NELL1: variants seen among roughly 807,000 people sequenced by gnomAD.
NELL1 encodes neural EGFL like 1.
NELL1 carries 76 observed loss-of-function variants against 107.4 expected under a neutral mutation model. That is an observed-to-expected ratio of 0.71 (90% confidence interval 0.59 to 0.86). NELL1 has a LOEUF of 0.86. Ranked by LOEUF, NELL1 falls within the 40% of genes least tolerant of loss-of-function variation. The probability of loss-of-function intolerance (pLI) is 0.00; values close to 1 mark genes in which losing one functional copy is unlikely to be tolerated. For synonymous variants in NELL1, 353 were observed against 341.2 expected (o/e 1.03, Z -0.38); for missense variants, 1,024 against 1,005.5 (o/e 1.02, Z -0.25).
At chr11:20,915,063 T>C (rs1216244980) in intron 5 of NELL1, among the ~76,000 whole-genome samples, 1 of 152,110 alleles carries the variant, frequency 6.6e-6, no homozygotes, top group Admixed American at 6.6e-5. Flanking sequence ...GTGTTTACTA[T>C]GTGAAATCTA....
rs561262445 is a variant in NELL1 at position 21,397,485 on chromosome 11, T to C, written c.1645+26537T>C. On this transcript the variant is annotated intron_variant, in intron 15 of 19. Coordinates refer to ENST00000357134, the MANE Select transcript of NELL1 (RefSeq NM_006157.5). ...GTATATTACTCTATTTACTTCCACC[T>C]AGTATTTCCGTGTACGTACACTTCT... Among the ~76,000 whole-genome samples the C allele has an allele frequency of 2.0e-5, 3 of 151,794 alleles. No homozygotes were observed. In the South Asian group the frequency reaches 6.2e-4, roughly 32 times the overall value.
At chr11:21,013,436 G>A (rs567158331) in intron 12 of NELL1, among the ~76,000 whole-genome samples, 1 of 152,234 alleles carries the variant, frequency 6.6e-6, no homozygotes, top group South Asian at 2.1e-4. Flanking sequence ...TGGTGAAAAT[G>A]GAGAGCTGCA....
chr11:21,556,240 A>G (rs1856703529), intron 16 of NELL1, among the ~76,000 whole-genome samples: 1 of 151,928 alleles, frequency 6.6e-6, no homozygotes, highest in Admixed American at 6.6e-5. Context: ...ACACAGCTGT[A>G]TATTCAAACG....
intron 15 of NELL1, among the ~76,000 whole-genome samples, chr11:21,481,808 T>A (rs1306814457): frequency 6.6e-6 from 1 of 152,122 alleles, no homozygotes; most frequent in African/African-American, 2.4e-5. Context: ...GTGACAAGTA[T>A]CTGAAAAAAA....
chr11:20,807,559 T>C (rs79812823), intron 3 of NELL1, among the ~76,000 whole-genome samples: 10,716 of 152,262 alleles, frequency 0.07, 584 homozygotes, highest in East Asian at 0.2. Context: ...CTGCTGCCTA[T>C]GTTTGCTGAA....
intron 13 of NELL1, among the ~76,000 whole-genome samples, chr11:21,188,259 A>G (rs1263624302): frequency 6.6e-6 from 1 of 151,788 alleles, no homozygotes. Context: ...CTCCTCAGTC[A>G]CTGTGCCTGG....
chr11:20,969,712 A>G (rs1851456856), intron 12 of NELL1, among the ~76,000 whole-genome samples: 1 of 151,970 alleles, frequency 6.6e-6, no homozygotes, highest in African/African-American at 2.4e-5. Context: ...ATTTTGATGG[A>G]TCCTGACTCT....
At chr11:20,739,107 G>A (rs1036040885) in intron 2 of NELL1, among the ~76,000 whole-genome samples, 15 of 152,214 alleles carry the variant, frequency 9.9e-5, no homozygotes, top group African/African-American at 3.6e-4. Flanking sequence ...CAGTAATCAT[G>A]CTGTATTGGC....
At chr11:20,969,465 A>G (rs1851450802) in intron 12 of NELL1, among the ~76,000 whole-genome samples, 1 of 152,138 alleles carries the variant, frequency 6.6e-6, no homozygotes, top group African/African-American at 2.4e-5. Flanking sequence ...AAACCATTAA[A>G]TTCCAAGCAA....
At chr11:20,712,157 T>G (rs1021429241) in intron 2 of NELL1, among the ~76,000 whole-genome samples, 1 of 152,128 alleles carries the variant, frequency 6.6e-6, no homozygotes, top group Non-Finnish European at 1.5e-5. Flanking sequence ...TAAAAATTAT[T>G]TTTTCTTTGT....
rs1442068150 is a variant in NELL1 at position 20,725,579 on chromosome 11, AC to A, written c.184+47521del. ...TCTGGGGTTTTATATAAACATACTT[AC>A]CTTTTAAGCCCCATTTTCTCACTTT... On this transcript the variant is annotated intron_variant, in intron 2 of 19. Coordinates refer to ENST00000357134, the MANE Select transcript of NELL1 (RefSeq NM_006157.5). Among the ~76,000 whole-genome samples, 4 of 152,264 alleles carry A rather than the reference AC, an allele frequency of 2.6e-5. No individual in the cohort carries two copies. The East Asian group carries it at 7.7e-4, about 29-fold the overall frequency.
At chr11:21,485,622 T>A (rs1293909167) in intron 15 of NELL1, among the ~76,000 whole-genome samples, 5 of 151,840 alleles carry the variant, frequency 3.3e-5, no homozygotes, top group African/African-American at 1.2e-4. Context: ...GTTCTACAAA[T>A]GCCTGCTTAA....
At chr11:21,031,577 C>CT (rs1852958261) in intron 12 of NELL1, among the ~76,000 whole-genome samples, 1 of 152,140 alleles carries the variant, frequency 6.6e-6, no homozygotes, top group Non-Finnish European at 1.5e-5. Flanking sequence ...ACTTGTCTTT[C>CT]TTTTTCCAGT....
intron 13 of NELL1, among the ~76,000 whole-genome samples, chr11:21,133,822 G>A (rs976310393): frequency 1.3e-5 from 2 of 152,184 alleles, no homozygotes; most frequent in Admixed American, 6.5e-5. Context: ...AGAGCAAACG[G>A]AGGCCCGGGT....
At chr11:21,378,556 A>T (rs1056333621) in intron 15 of NELL1, among the ~76,000 whole-genome samples, 1 of 151,890 alleles carries the variant, frequency 6.6e-6, no homozygotes, top group African/African-American at 2.4e-5. Flanking sequence ...TGGAATAAAC[A>T]TGATTCTCCA....
At chr11:20,964,279 G>A (rs2063915) in intron 12 of NELL1, among the ~76,000 whole-genome samples, 61,614 of 151,852 alleles carry the variant, frequency 0.41, 14,102 homozygotes, top group African/African-American at 0.62. Flanking sequence ...CATGATCTTA[G>A]TTCTTGAATT....
chr11:20,904,423 T>C (rs933368390), intron 5 of NELL1, among the ~76,000 whole-genome samples: 2 of 152,188 alleles, frequency 1.3e-5, no homozygotes, highest in Non-Finnish European at 2.9e-5. Flanking sequence ...TATTATGTGT[T>C]AATTTAAGAA....
At chr11:21,218,627 C>G (rs1857676630) in intron 13 of NELL1, among the ~76,000 whole-genome samples, 1 of 152,176 alleles carries the variant, frequency 6.6e-6, no homozygotes, top group African/African-American at 2.4e-5. Flanking sequence ...TAATCAACCT[C>G]TCTGTATCCT....
intron 2 of NELL1, among the ~76,000 whole-genome samples, chr11:20,708,383 G>A (rs2680986): frequency 0.19 from 29,620 of 152,106 alleles, 3,191 homozygotes; most frequent in African/African-American, 0.25. Flanking sequence ...ACTGGGTACC[G>A]CAGTTGGAAA....
Sources: allele counts gnomAD v4.1 joint callset (sites outside exome capture counted in the v4.1 genomes callset), GRCh38; gene constraint gnomAD v4.1.1; transcripts MANE v1.5; gene names NCBI Gene and HGNC (gene_info 2026-07-23, HGNC 2026-07-21).